GLDC: variants seen among roughly 807,000 people sequenced by gnomAD.
GLDC encodes glycine decarboxylase, also known as glycine dehydrogenase (decarboxylating), mitochondrial.
Under a neutral mutation model 121.3 loss-of-function variants are expected in GLDC, and 104 were observed. That is an observed-to-expected ratio of 0.86 (90% CI 0.73 to 1.01). GLDC has a LOEUF of 1.01. Among genes scored for constraint, GLDC ranks in the 50% least tolerant of loss-of-function variants. The pLI is 0.00. For synonymous variants in GLDC, 546 were observed against 480.6 expected, an observed-to-expected ratio of 1.14 and a Z score of -1.78; for missense variants, 1,429 against 1,306.6, an observed-to-expected ratio of 1.09 and a Z score of -1.44.
At chr9:6,639,427 T>C (rs1819580549) in intron 2 of GLDC, 9 of 900,686 alleles carry the variant, frequency 1.0e-5, no homozygotes, top group Non-Finnish European at 1.7e-5. Context: ...AACAACACAC[T>C]TGTGTTCATT....
At chr9:6,556,052 T>A in intron 18 of GLDC, 101 bp downstream of exon 18, 2 of 957,538 alleles carry the variant, frequency 2.1e-6, no homozygotes, top group Non-Finnish European at 3.2e-6. Flanking sequence ...TGGGTCTGAG[T>A]TCCCTCAGGC....
At chr9:6,632,814 C>G (rs780841814) in intron 2 of GLDC, among the ~76,000 whole-genome samples, 1 of 152,216 alleles carries the variant, frequency 6.6e-6, no homozygotes, top group Non-Finnish European at 1.5e-5. Context: ...CTCCCCTCGG[C>G]TGAACTCAGT....
intron 20 of GLDC, 38 bp downstream of exon 20, chr9:6,553,330 C>T: frequency 3.1e-6 from 5 of 1,605,296 alleles, no homozygotes; most frequent in Non-Finnish European, 3.4e-6. Context: ...CTGACGCCCC[C>T]ACCCACCTGC....
chr9:6,637,086 T>TG (rs200439897), intron 2 of GLDC, among the ~76,000 whole-genome samples: 6 of 149,088 alleles, frequency 4.0e-5, no homozygotes, highest in Non-Finnish European at 1.5e-5. Context: ...TGGTTTTGTT[T>TG]GTTTTTTTTT....
At chr9:6,615,159 TA>T (rs1818943279) in intron 3 of GLDC, among the ~76,000 whole-genome samples, 1 of 152,226 alleles carries the variant, frequency 6.6e-6, no homozygotes, top group Admixed American at 6.5e-5. Context: ...CAAATCAGAC[TA>T]ATGTACTGTC....
At chr9:6,639,033 C>A in intron 2 of GLDC, 1 of 562,544 alleles carries the variant, frequency 1.8e-6, no homozygotes, top group Non-Finnish European at 3.2e-6. Context: ...AGTATATCCT[C>A]AGAGTGTCTT....
At chr9:6,612,045 CCTTT>C (rs780343551) in intron 3 of GLDC, among the ~76,000 whole-genome samples, 18 of 151,946 alleles carry the variant, frequency 1.2e-4, no homozygotes, top group Non-Finnish European at 2.6e-4. Flanking sequence ...TTCAGATTTC[CCTTT>C]CTATTTGCCT....
chr9:6,591,500 T>C (rs1254265712), intron 11 of GLDC, among the ~76,000 whole-genome samples: 1 of 152,200 alleles, frequency 6.6e-6, no homozygotes, highest in Non-Finnish European at 1.5e-5. Context: ...TCAATAAATA[T>C]GTATTAAATG....
rs141933811 is a variant in GLDC at position 6,553,445 on chromosome 9, C to A, written c.2380G>T (p.Ala794Ser). ...PVISLKRNEDACPVGTVSAAP... is the reference protein window; with the variant it reads ...PVISLKRNEDSCPVGTVSAAP... Reference sequence around the variant, plus strand: ...GCACTGACGGTTCCCACAGGACAGGCATCCTCATTCCGCTTTAGTGAAATG... The same window carrying A: ...GCACTGACGGTTCCCACAGGACAGGAATCCTCATTCCGCTTTAGTGAAATG... Residue 794 changes from alanine (A) to serine (S), a missense_variant, in exon 20 of 25, where the codon GCC (alanine) becomes TCC (serine). Coordinates refer to ENST00000321612, the MANE Select transcript of GLDC (RefSeq NM_000170.3). 2 of 1,613,734 alleles carry A rather than the reference C, an allele frequency of 1.2e-6. No individual in the cohort carries two copies. The highest frequency in any genetic ancestry group is 1.7e-6 in the Non-Finnish European group (2 of 1,179,654).
intron 22 of GLDC, among the ~76,000 whole-genome samples, chr9:6,537,919 G>A (rs759111681): frequency 4.6e-5 from 7 of 152,018 alleles, no homozygotes; most frequent in Non-Finnish European, 8.8e-5. Context: ...ACTTTCTGAC[G>A]CATTTCAAAG....
At chr9:6,544,204 C>G (rs962961753) in intron 21 of GLDC, among the ~76,000 whole-genome samples, 18 of 152,168 alleles carry the variant, frequency 1.2e-4, no homozygotes, top group African/African-American at 3.4e-4. Context: ...AACCTCCCGG[C>G]TGTTTCCCTG....
At chr9:6,599,926 C>A (rs1818568222) in intron 8 of GLDC, among the ~76,000 whole-genome samples, 1 of 152,014 alleles carries the variant, frequency 6.6e-6, no homozygotes, top group African/African-American at 2.4e-5. Flanking sequence ...GGCTGCAGAA[C>A]CAACTATAAG....
intron 22 of GLDC, among the ~76,000 whole-genome samples, chr9:6,537,385 A>G (rs559534135): frequency 5.3e-5 from 8 of 152,320 alleles, no homozygotes; most frequent in Admixed American, 6.5e-5. Flanking sequence ...TCTTGCCCCA[A>G]TGTGCAGTGG....
intron 19 of GLDC, among the ~76,000 whole-genome samples, chr9:6,554,241 T>C (rs965299607): frequency 6.6e-6 from 1 of 152,180 alleles, no homozygotes; most frequent in Admixed American, 6.5e-5. Flanking sequence ...TACTTATGTG[T>C]TACTTATCTC....
At chr9:6,620,098 C>A (rs1587972538) in intron 3 of GLDC, 86 bp downstream of exon 3, 2 of 1,347,924 alleles carry the variant, frequency 1.5e-6, no homozygotes, top group East Asian at 2.3e-5. Context: ...AGTGTGGAGG[C>A]TCTGAGACTG....
At chr9:6,601,784 A>T (rs1309401213) in intron 8 of GLDC, among the ~76,000 whole-genome samples, 1 of 151,980 alleles carries the variant, frequency 6.6e-6, no homozygotes, top group Non-Finnish European at 1.5e-5. Context: ...ACCACCACTG[A>T]CGGCTAATTT....
chr9:6,553,287 A>C, intron 20 of GLDC, 81 bp downstream of exon 20: 1 of 1,253,802 alleles, frequency 8.0e-7, no homozygotes, highest in Admixed American at 1.7e-5. Flanking sequence ...TTTTTAAGCC[A>C]AGAAGTCTGC....
chr9:6,603,736 C>CT (rs1215996748), intron 7 of GLDC, among the ~76,000 whole-genome samples: 2,871 of 124,888 alleles, frequency 0.023, 100 homozygotes, highest in African/African-American at 0.082. Flanking sequence ...CCTTTTTTTT[C>CT]TTTTTTTTTT....
intron 7 of GLDC, 90 bp from the exon 8 acceptor site, chr9:6,602,295 G>T: frequency 2.4e-6 from 2 of 848,960 alleles, no homozygotes; most frequent in Non-Finnish European, 4.0e-6. Flanking sequence ...TTCCCAGCTT[G>T]AAGTGAATTC....
Sources: allele counts gnomAD v4.1 joint callset (sites outside exome capture counted in the v4.1 genomes callset), GRCh38; gene constraint gnomAD v4.1.1; transcripts MANE v1.5; gene names NCBI Gene and HGNC (gene_info 2026-07-23, HGNC 2026-07-21).